KIF16B: variants seen among roughly 807,000 people sequenced by gnomAD.
KIF16B encodes kinesin-like protein KIF16B.
KIF16B carries 98 observed loss-of-function variants against 156.3 expected under a neutral mutation model. The ratio of observed to expected loss-of-function variants is 0.63; its 90% confidence interval spans 0.53 to 0.74. The LOEUF (loss-of-function observed/expected upper bound fraction) is 0.74. KIF16B is among the 30% of genes least tolerant of loss of function. KIF16B has a pLI of 0.00. For missense variants in KIF16B, 1,421 were observed against 1,606.5 expected (o/e 0.88, Z 1.97); for synonymous variants, 564 against 583.7 (o/e 0.97, Z 0.49).
intron 1 of KIF16B, among the ~76,000 whole-genome samples, chr20:16,560,605 A>G (rs910651001): frequency 2.0e-5 from 3 of 152,180 alleles, no homozygotes; most frequent in African/African-American, 7.2e-5. Context: ...TCAGGAGTTC[A>G]AGACCAACCT....
chr20:16,317,755 A>G (rs2122758939), intron 24 of KIF16B, among the ~76,000 whole-genome samples: 2 of 152,366 alleles, frequency 1.3e-5, no homozygotes, highest in East Asian at 3.9e-4. Context: ...CAGAGAGAAG[A>G]GATGACGGGA....
rs143610596 is a variant in KIF16B at position 16,379,790 on chromosome 20, C to A, written c.2212G>T (p.Asp738Tyr). The change falls in exon 19 of 26, where the codon GAT becomes TAT. Residue 738 changes from aspartate (D) to tyrosine (Y), a missense_variant. Physicochemically the swap from Asp to Tyr is radical, Grantham distance 160 (BLOSUM62 -3). Coordinates refer to ENST00000354981, the MANE Select transcript of KIF16B (RefSeq NM_024704.5). ...AGTTCAAGCTTGGCATACTGTTCAT[C>A]TTTTTCCTTTTGGAGCTGGTCCAGT... ...QELDQLQKEK[D>Y]EQYAKLELEK... 9.3e-5 allele frequency: 150 copies of A among 1,614,180 alleles called. 1 individual carries two copies. The African/African-American group carries it at 1.7e-3, about 18-fold the overall frequency.
At chr20:16,538,770 T>C (rs757950106) in intron 1 of KIF16B, among the ~76,000 whole-genome samples, 2 of 152,196 alleles carry the variant, frequency 1.3e-5, no homozygotes, top group African/African-American at 4.8e-5. Context: ...TAATCTCCAA[T>C]GCTGGTGGTG....
intron 25 of KIF16B, among the ~76,000 whole-genome samples, chr20:16,278,879 C>T (rs6043847): frequency 0.097 from 14,718 of 152,146 alleles, 969 homozygotes; most frequent in East Asian, 0.34. Context: ...CTGTCTACAC[C>T]GGGCATCTTA....
intron 9 of KIF16B, among the ~76,000 whole-genome samples, 199 bp downstream of exon 9, chr20:16,505,523 G>A (rs2068747348): frequency 6.6e-6 from 1 of 152,226 alleles, no homozygotes; most frequent in Non-Finnish European, 1.5e-5. Flanking sequence ...ATATGGCAAG[G>A]TGGTATAACA....
At chr20:16,344,191 T>C (rs2064189644) in intron 23 of KIF16B, among the ~76,000 whole-genome samples, 1 of 152,234 alleles carries the variant, frequency 6.6e-6, no homozygotes. Context: ...ATCTGTATAG[T>C]AACAAGCATT....
intron 17 of KIF16B, among the ~76,000 whole-genome samples, chr20:16,401,756 G>A (rs1326047530): frequency 1.3e-5 from 2 of 152,116 alleles, no homozygotes; most frequent in Non-Finnish European, 2.9e-5. Context: ...TGAATCCTGG[G>A]AGTTACTCTT....
At chr20:16,326,960 TTA>T (rs144605179) in intron 24 of KIF16B, among the ~76,000 whole-genome samples, 6 of 147,564 alleles carry the variant, frequency 4.1e-5, no homozygotes, top group African/African-American at 5.0e-5. Context: ...AAAGAAAATG[TTA>T]TATATATATA....
At chr20:16,371,521 T>C in intron 21 of KIF16B, 144 bp downstream of exon 21, 1 of 542,034 alleles carries the variant, frequency 1.8e-6, no homozygotes, top group Non-Finnish European at 3.2e-6. Context: ...AACTGGGAGG[T>C]GGAGGTTGCA....
chr20:16,359,192 T>C (rs2064502212), intron 22 of KIF16B, among the ~76,000 whole-genome samples: 1 of 152,188 alleles, frequency 6.6e-6, no homozygotes, highest in Non-Finnish European at 1.5e-5. Context: ...CATCCAAATC[T>C]CATGAGGAGT....
intron 12 of KIF16B, among the ~76,000 whole-genome samples, chr20:16,490,779 G>C (rs1434448703): frequency 6.6e-6 from 1 of 152,118 alleles, no homozygotes; most frequent in African/African-American, 2.4e-5. Context: ...CCAGTCTGTG[G>C]TATTTTGTTT....
intron 17 of KIF16B, among the ~76,000 whole-genome samples, chr20:16,384,825 G>C (rs951318180): frequency 2.0e-5 from 3 of 152,008 alleles, no homozygotes; most frequent in Non-Finnish European, 2.9e-5. Flanking sequence ...GTGGGGACAG[G>C]GACCACATTT....
intron 1 of KIF16B, among the ~76,000 whole-genome samples, chr20:16,563,322 T>C (rs1034464268): frequency 2.0e-5 from 3 of 152,218 alleles, no homozygotes; most frequent in African/African-American, 7.2e-5. Context: ...TTTTTTCCCC[T>C]GTCTTTTTAT....
chr20:16,310,356 C>G (rs530408693), intron 25 of KIF16B, among the ~76,000 whole-genome samples: 4 of 152,296 alleles, frequency 2.6e-5, no homozygotes, highest in South Asian at 4.1e-4. Context: ...CAGGTTCCAC[C>G]TGAAAGCATT....
chr20:16,408,980 C>A (rs2065854325), intron 15 of KIF16B, among the ~76,000 whole-genome samples: 1 of 152,048 alleles, frequency 6.6e-6, no homozygotes, highest in Non-Finnish European at 1.5e-5. Context: ...ATGGGGGATA[C>A]AGAGTTGAGC....
intron 25 of KIF16B, among the ~76,000 whole-genome samples, chr20:16,281,669 C>G (rs1486821942): frequency 6.6e-6 from 1 of 152,194 alleles, no homozygotes; most frequent in Non-Finnish European, 1.5e-5. Context: ...GAAATCAGGA[C>G]AGCTTGGTTT....
chr20:16,421,280 A>G (rs1182731752), intron 15 of KIF16B, among the ~76,000 whole-genome samples: 1 of 152,102 alleles, frequency 6.6e-6, no homozygotes. Flanking sequence ...GCTGTTCCCC[A>G]TTTATTATAT....
chr20:16,417,336 A>G (rs1267804499), intron 15 of KIF16B, among the ~76,000 whole-genome samples: 1 of 152,154 alleles, frequency 6.6e-6, no homozygotes, highest in Non-Finnish European at 1.5e-5. Flanking sequence ...CTGCTACTGG[A>G]GGAGCACTGC....
intron 7 of KIF16B, 61 bp downstream of exon 7, chr20:16,507,897 G>T (rs2068834199): frequency 5.1e-6 from 8 of 1,571,468 alleles, no homozygotes; most frequent in Non-Finnish European, 6.1e-6. Flanking sequence ...TCCTCAGCTG[G>T]TGCTAATCAG....
Sources: gnomAD v4.1 joint callset for allele counts (sites outside exome capture counted in the v4.1 genomes callset) on GRCh38, gnomAD v4.1.1 for gene constraint, MANE v1.5 for transcripts, NCBI Gene and HGNC (gene_info 2026-07-23, HGNC 2026-07-21) for gene names.